Variants in CERS3 observed in about 807,000 individuals in gnomAD.
The protein encoded by CERS3 is LAG1 homolog, ceramide synthase 3.
A neutral mutation model predicts 50.3 loss-of-function variants in CERS3; 33 were observed. The observed-to-expected ratio is 0.66, with a 90% confidence interval of 0.50 to 0.88. The LOEUF (loss-of-function observed/expected upper bound fraction) is 0.88, where lower values mean the gene tolerates loss of function less well. CERS3 is among the 40% of genes least tolerant of loss of function. CERS3 has a pLI of 0.00. For missense variants in CERS3, 470 were observed against 460.3 expected (o/e 1.02, Z -0.19); for synonymous variants, 176 against 155.2 (o/e 1.13, Z -0.99).
chr15:100,431,681 G>A (rs935077203), intron 11 of CERS3, among the ~76,000 whole-genome samples: 3 of 152,174 alleles, frequency 2.0e-5, no homozygotes, highest in Non-Finnish European at 4.4e-5. Flanking sequence ...GCTTAATCTT[G>A]TAGATCTCAG....
chr15:100,447,866 T>G (rs2034001254), intron 11 of CERS3, among the ~76,000 whole-genome samples: 3 of 152,206 alleles, frequency 2.0e-5, no homozygotes, highest in African/African-American at 7.2e-5. Flanking sequence ...CTCTGTTGCC[T>G]TTCCCTCACT....
intron 11 of CERS3, among the ~76,000 whole-genome samples, chr15:100,423,089 A>AC (rs2032565905): frequency 8.7e-6 from 1 of 114,740 alleles, no homozygotes. Flanking sequence ...AGTATAATAA[A>AC]AAAAAAATGT....
At chr15:100,427,824 C>G (rs754378606) in intron 11 of CERS3, among the ~76,000 whole-genome samples, 3 of 152,192 alleles carry the variant, frequency 2.0e-5, no homozygotes, top group Non-Finnish European at 2.9e-5. Flanking sequence ...AACTCAGATT[C>G]TGTGCTTCCT....
intron 11 of CERS3, among the ~76,000 whole-genome samples, chr15:100,444,840 T>G (rs1285352850): frequency 1.3e-5 from 2 of 152,212 alleles, no homozygotes; most frequent in Non-Finnish European, 2.9e-5. Context: ...GCCACCATGG[T>G]CATTTCTTCC....
At chr15:100,524,644 T>G (rs997706095) in intron 1 of CERS3, among the ~76,000 whole-genome samples, 3 of 152,224 alleles carry the variant, frequency 2.0e-5, no homozygotes, top group Admixed American at 2.0e-4. Context: ...AGCATCAGCA[T>G]GTTGTATGTT....
chr15:100,428,135 T>C (rs1022639110), intron 11 of CERS3, among the ~76,000 whole-genome samples: 2 of 152,236 alleles, frequency 1.3e-5, no homozygotes, highest in Non-Finnish European at 2.9e-5. Flanking sequence ...TCTCATTTTC[T>C]CCATCCATCA....
chr15:100,511,000 C>T (rs764443505), intron 2 of CERS3, among the ~76,000 whole-genome samples: 12 of 152,112 alleles, frequency 7.9e-5, no homozygotes, highest in Non-Finnish European at 1.0e-4. Context: ...CAAAAGATAC[C>T]ATTAAGGTCG....
At chr15:100,542,289 T>C (rs2037219723) in intron 1 of CERS3, among the ~76,000 whole-genome samples, 1 of 152,364 alleles carries the variant, frequency 6.6e-6, no homozygotes, top group South Asian at 2.1e-4. Flanking sequence ...TCTTGGACTG[T>C]TGAACTTCTT....
In CERS3 at chr15:100,469,488, C is replaced by CA; in HGVS notation, c.739-5dup. The CA allele has an allele frequency of 6.3e-7, 1 of 1,589,820 alleles. No individual in the cohort carries two copies. Among genetic ancestry groups the CA allele is most frequent in the African/African-American group, 1.4e-5 (1 of 73,568 alleles). ...CATAAGAAAACATCTTAGCAGACTG[C>CA]AAAAAAGAAAGAAACTGCAGATAAA... On this transcript the variant is annotated splice_region_variant and splice_polypyrimidine_tract_variant and intron_variant, in intron 9 of 11. Coordinates refer to ENST00000679737, the MANE Select transcript of CERS3 (RefSeq NM_001378789.1).
intron 11 of CERS3, among the ~76,000 whole-genome samples, chr15:100,406,091 C>T (rs997572725): frequency 6.6e-6 from 1 of 152,110 alleles, no homozygotes; most frequent in Non-Finnish European, 1.5e-5. Context: ...AATAACATTG[C>T]CCCGAGGAAA....
intron 2 of CERS3, among the ~76,000 whole-genome samples, chr15:100,516,759 G>A (rs2036501324): frequency 6.6e-6 from 1 of 152,172 alleles, no homozygotes. Flanking sequence ...CCCACATAAT[G>A]GGTACCAACT....
In CERS3 at chr15:100,466,841, C is replaced by CTTTCTCTCTT. The variant is rs1567638733; in HGVS notation, c.845+2536_845+2537insAAGAGAGAAA. 3.8e-3 allele frequency among the ~76,000 whole-genome samples: 33 copies of CTTTCTCTCTT among 8,794 alleles called. 2 individuals carry two copies. The highest frequency in any genetic ancestry group is 6.4e-3 in the African/African-American group (32 of 4,968). 5.8% of individuals were successfully genotyped at this position (8,794 alleles called of 152,430 possible). ...CCTCTCTCCCTCTCTCCCTCTCTCC[C>CTTTCTCTCTT]TCTCTCTTTCTCTCTTTCTTTCTTT... On this transcript the variant is annotated intron_variant, in intron 10 of 11. Transcript: ENST00000679737.
At chr15:100,455,841 A>T in intron 11 of CERS3, 52 bp downstream of exon 11, 3 of 1,244,416 alleles carry the variant, frequency 2.4e-6, no homozygotes, top group Non-Finnish European at 3.3e-6. Flanking sequence ...TCCGGGCCTC[A>T]CCATTAACCT....
intron 11 of CERS3, among the ~76,000 whole-genome samples, chr15:100,436,708 T>C (rs1025867899): frequency 1.3e-5 from 2 of 152,144 alleles, no homozygotes; most frequent in East Asian, 1.9e-4. Context: ...AGACCAGTTT[T>C]GCATAATCAT....
chr15:100,503,662 G>A (rs2036077588), intron 2 of CERS3: 1 of 470,392 alleles, frequency 2.1e-6, no homozygotes, highest in Non-Finnish European at 4.4e-6. Flanking sequence ...GTGGAATGAG[G>A]ACTGGATTTC....
chr15:100,477,448 C>A (rs2035166315), intron 7 of CERS3, among the ~76,000 whole-genome samples: 4 of 148,586 alleles, frequency 2.7e-5, no homozygotes, highest in Admixed American at 2.7e-4. Context: ...TTAAGAACAA[C>A]TTAAAAATCT....
At chr15:100,486,382 C>T (rs1003103682) in intron 4 of CERS3, among the ~76,000 whole-genome samples, 67 of 152,258 alleles carry the variant, frequency 4.4e-4, no homozygotes, top group African/African-American at 1.3e-3. Context: ...GCGTAAGCAC[C>T]GCACTTTGAC....
At chr15:100,510,562 C>G (rs2036310169) in intron 2 of CERS3, among the ~76,000 whole-genome samples, 1 of 152,202 alleles carries the variant, frequency 6.6e-6, no homozygotes, top group East Asian at 1.9e-4. Context: ...AGCCTCCACC[C>G]CAGTTACACC....
intron 10 of CERS3, among the ~76,000 whole-genome samples, chr15:100,467,837 G>GTATATA (rs1224034259): frequency 0.026 from 1,479 of 56,330 alleles, 77 homozygotes; most frequent in Admixed American, 0.11. Flanking sequence ...ATATATACGT[G>GTATATA]TATATATATA....
Sources: allele counts gnomAD v4.1 joint callset (sites outside exome capture counted in the v4.1 genomes callset), GRCh38; gene constraint gnomAD v4.1.1; transcripts MANE v1.5; gene names NCBI Gene and HGNC (gene_info 2026-07-23, HGNC 2026-07-21).